The following NKTR variants were observed in gnomAD, a reference collection of about 807,000 sequenced individuals.
The protein encoded by NKTR is NK-tumor recognition protein.
A neutral mutation model predicts 156.3 loss-of-function variants in NKTR; 67 were observed. The ratio of observed to expected loss-of-function variants is 0.43; its 90% CI spans 0.35 to 0.53. NKTR has a LOEUF of 0.53. NKTR is among the 20% of genes least tolerant of loss of function. NKTR has a pLI of 0.01. For missense variants in NKTR, 1,604 were observed against 1,730.9 expected, an observed-to-expected ratio of 0.93 and a Z score of 1.30; for synonymous variants, 640 against 596.6, an observed-to-expected ratio of 1.07 and a Z score of -1.06.
intron 5 of NKTR, 166 bp downstream of exon 5, chr3:42,619,874 AAT>A: frequency 1.4e-6 from 2 of 1,417,036 alleles, no homozygotes; most frequent in African/African-American, 1.5e-5. Flanking sequence ...ATTATATTGT[AAT>A]ATATAATTTT....
At chr3:42,634,732 G>A (rs1269431425) in intron 11 of NKTR, 32 bp downstream of exon 11, 1 of 1,233,022 alleles carries the variant, frequency 8.1e-7, no homozygotes, top group Admixed American at 2.3e-5. Flanking sequence ...TTGATATTAT[G>A]TATCTAATAA....
Position 42,635,642 on chromosome 3 carries a change from G to A in NKTR, c.1163+276G>A, listed in dbSNP as rs1400088449. On this transcript the variant is annotated intron_variant, in intron 12 of 16. Transcript: ENST00000232978. ...TAGAAATAATTAGGACTTAGAGGCC[G>A]GGCGTGGTGGCTCACGCTTGTCATC... is the stretch of plus-strand genomic sequence containing the variant. Among the ~76,000 whole-genome samples, 8 of 152,256 alleles carry A rather than the reference G, an allele frequency of 5.3e-5. No homozygotes were observed. In the East Asian group the frequency reaches 5.8e-4, roughly 11 times the overall value.
chr3:42,620,415 A>G (rs1707804570), intron 5 of NKTR: 1 of 1,008,490 alleles, frequency 9.9e-7, no homozygotes, highest in Non-Finnish European at 1.2e-6. Context: ...ACTTGCCCCA[A>G]AAAGCCTTAG....
chr3:42,640,153 CAG>C (rs1709761335), intron 13 of NKTR, among the ~76,000 whole-genome samples: 1 of 152,128 alleles, frequency 6.6e-6, no homozygotes, highest in Admixed American at 6.5e-5. Flanking sequence ...AGTTGAGGGC[CAG>C]AGAGACAAAG....
rs1710401114 is a variant in NKTR, at chr3:42,647,270, G to A, written c.*1295G>A. ...AATAATTGGACCTGTAAAAACTAGT[G>A]TGTGTGTGTGTGTGTGTGTGTGTGT... On this transcript the variant is annotated 3_prime_UTR_variant, in exon 17 of 17. Transcript: ENST00000232978. 1 of 106,424 alleles carries A rather than the reference G, an allele frequency of 9.4e-6. No homozygotes were observed. Among genetic ancestry groups the A allele is most frequent in the Non-Finnish European group, 1.8e-5 (1 of 55,274 alleles). The allele number at this position is 106,424 out of a possible 1,614,324, so 6.6% of individuals were successfully genotyped here. A position where few individuals can be genotyped will look rare whatever the true frequency, so the allele number is the denominator to read the frequency against.
At chr3:42,607,744 G>C (rs907027564) in intron 2 of NKTR, among the ~76,000 whole-genome samples, 1 of 152,136 alleles carries the variant, frequency 6.6e-6, no homozygotes, top group Admixed American at 6.5e-5. Context: ...GAAAAAACAT[G>C]TAAAGGGCAT....
intron 3 of NKTR, among the ~76,000 whole-genome samples, chr3:42,617,854 AAAAG>A (rs1374090074): frequency 6.6e-6 from 1 of 152,124 alleles, no homozygotes; most frequent in East Asian, 1.9e-4. Context: ...TCAAAAATGA[AAAAG>A]AGAGTAAGAA....
chr3:42,635,264 A>C lies in NKTR; in HGVS notation c.1061A>C (p.Asp354Ala). The change falls in exon 12 of 17, where the codon GAT becomes GCT. Residue 354 changes from aspartate (D) to alanine (A), a missense_variant. Coordinates refer to ENST00000232978, the MANE Select transcript of NKTR (RefSeq NM_005385.4). ...PPRSRSCSES[D>A]DDDSSETPPH... ...AGATCAAGATCCTGTTCTGAGTCAG[A>C]TGATGATGACAGCAGTGAAACTCCT... 1 of 1,613,830 alleles carries C rather than the reference A, an allele frequency of 6.2e-7. No homozygotes were observed. The highest frequency in any genetic ancestry group is 1.1e-5 in the South Asian group (1 of 91,078).
intron 2 of NKTR, among the ~76,000 whole-genome samples, chr3:42,608,266 G>A: frequency 6.6e-6 from 1 of 151,866 alleles, no homozygotes; most frequent in East Asian, 1.9e-4. Flanking sequence ...CACTGCGCCT[G>A]GCTTCTGAGT....
rs962874079 is a variant in NKTR at position 42,628,591 on chromosome 3, A to G, written c.375-1955A>G. 7.1e-6 allele frequency: 7 copies of G among 985,308 alleles called. No homozygotes were observed. In the African/African-American group the frequency reaches 8.7e-5, roughly 12 times the overall value. The allele number at this position is 985,308 out of a possible 1,614,324, so 61.0% of individuals were successfully genotyped here. A position where few individuals can be genotyped will look rare whatever the true frequency, so the allele number is the denominator to read the frequency against. On this transcript the variant is annotated intron_variant, in intron 6 of 16. Transcript: ENST00000232978. The stretch of plus-strand genomic sequence containing the variant: ...CCCAATACTGCAGGATCTGTGAGTC[A>G]TGGGAGGAACGGATCAAAGAAGGAG...
intron 5 of NKTR, chr3:42,620,966 A>G (rs1707850664): frequency 1.1e-6 from 1 of 921,150 alleles, no homozygotes; most frequent in Non-Finnish European, 1.3e-6. Context: ...TTTGTCTTAC[A>G]GTCTAGCTTC....
intron 3 of NKTR, among the ~76,000 whole-genome samples, chr3:42,618,126 G>C (rs1359261650): frequency 2.0e-5 from 3 of 151,914 alleles, no homozygotes; most frequent in African/African-American, 7.2e-5. Context: ...CGAGGCAGGT[G>C]GATCACCTGA....
rs377371289 is a variant in NKTR, at chr3:42,626,307, A to T, written c.375-4239A>T. Among the ~76,000 whole-genome samples, 27 of 151,950 alleles carry T rather than the reference A, an allele frequency of 1.8e-4. 1 individual carries two copies. In the South Asian group the frequency reaches 5.4e-3, roughly 30 times the overall value. On this transcript the variant is annotated intron_variant, in intron 6 of 16. Coordinates refer to ENST00000232978, the MANE Select transcript of NKTR (RefSeq NM_005385.4). ...TATTTCAAGATTTATTACATTCAAA[A>T]CTCTTATAAAGCATTTTGTTCATGG...
At chr3:42,628,406 T>A (rs1324666882) in intron 6 of NKTR, 1 of 985,012 alleles carries the variant, frequency 1.0e-6, no homozygotes, top group Non-Finnish European at 1.2e-6. Flanking sequence ...AAATTGAGTC[T>A]CAAGTAGTAT....
At position 42,647,848 on chromosome 3, in the gene NKTR, T is replaced by TA. The variant is rs1157999315; in HGVS notation, c.*1879dup. 1.3e-5 allele frequency: 2 copies of TA among 152,268 alleles called. No individual in the cohort carries two copies. Among genetic ancestry groups the TA allele is most frequent in the South Asian group, 2.1e-4 (1 of 4,822 alleles). 9.4% of individuals were successfully genotyped at this position (152,268 alleles called of 1,614,324 possible). ...ACAAATTACCCCAAATTTAGCAGTT[T>TA]AAAAAACAATACCCATAGCAGTTCT... On this transcript the variant is annotated 3_prime_UTR_variant, in exon 17 of 17. Transcript: ENST00000232978.
rs765177016 is a variant in NKTR at position 42,638,579 on chromosome 3, G to C, written c.2875G>C (p.Asp959His). 1 of 1,614,050 alleles carries C rather than the reference G, an allele frequency of 6.2e-7. No homozygotes were observed. ...KSSKQRTSTS[D>H]SEGSCSNSEN... is the part of the protein sequence containing the mutation. ...AAGCAAACAGCGCACATCAACTTCTGACTCTGAGGGGTCCTGTTCCAATTC... is the reference window on the plus strand; with the variant it reads ...AAGCAAACAGCGCACATCAACTTCTCACTCTGAGGGGTCCTGTTCCAATTC... Residue 959 changes from aspartate to histidine, a missense_variant, in exon 13 of 17, where the codon GAC becomes CAC. Around this residue, in one of 6 missense-constraint regions of NKTR, gnomAD observed 1,255 missense variants for 1,243.7 expected, o/e 1.01. Transcript: ENST00000232978.
chr3:42,600,918 C>A, intron 1 of NKTR, 66 bp from the exon 2 acceptor site: 1 of 1,022,000 alleles, frequency 9.8e-7, no homozygotes, highest in Non-Finnish European at 1.3e-6. Flanking sequence ...TCAGCCCCGC[C>A]CTCGCCCCTG....
At chr3:42,607,957 T>C (rs1247768466) in intron 2 of NKTR, among the ~76,000 whole-genome samples, 1 of 127,878 alleles carries the variant, frequency 7.8e-6, no homozygotes, top group Non-Finnish European at 1.6e-5. Context: ...CAATCGCAAG[T>C]CCTGAGTCGC....
Position 42,637,363 on chromosome 3 carries a change from T to C in NKTR, c.1659T>C (p.Ser553=). 6.2e-7 allele frequency: 1 copy of C among 1,614,164 alleles called. No homozygotes were observed. Among genetic ancestry groups the C allele is most frequent in the Non-Finnish European group, 8.5e-7 (1 of 1,180,002 alleles). ...SHSRSRSKSR[S]SSKSGHRKRA... The stretch of plus-strand genomic sequence containing the variant: ...CTCGAAGTAGATCAAAGTCCAGATC[T>C]AGTTCCAAGTCTGGGCACCGAAAGA... The change falls in exon 13 of 17, where the codon TCT becomes TCC. Residue 553 remains serine, a synonymous_variant. Transcript: ENST00000232978.
Sources: allele counts gnomAD v4.1 joint callset (sites outside exome capture counted in the v4.1 genomes callset), GRCh38; gene constraint gnomAD v4.1.1; regional missense constraint gnomAD v4.1.1; transcripts MANE v1.5; gene names NCBI Gene and HGNC (gene_info 2026-07-23, HGNC 2026-07-21).